RERG: variants seen among roughly 807,000 people sequenced by gnomAD.
RERG encodes the protein RAS like estrogen regulated growth inhibitor, also known as ras-related and estrogen-regulated growth inhibitor.
A neutral mutation model predicts 23.2 loss-of-function variants in RERG; 25 were observed. That is an observed-to-expected ratio of 1.08 (90% CI 0.79 to 1.50). The LOEUF (loss-of-function observed/expected upper bound fraction) is 1.50. Ranked by LOEUF, RERG falls within the 40% of genes most tolerant of loss-of-function variation. The pLI, the probability that RERG is intolerant of heterozygous loss-of-function variation, is 0.00. For missense variants in RERG, 253 were observed against 250.1 expected, an observed-to-expected ratio of 1.01 and a Z score of -0.08; for synonymous variants, 81 against 89.1, an observed-to-expected ratio of 0.91 and a Z score of 0.51.
At chr12:15,215,363 C>T (rs769358697) in intron 2 of RERG, among the ~76,000 whole-genome samples, 4 of 151,976 alleles carry the variant, frequency 2.6e-5, no homozygotes, top group Admixed American at 6.6e-5. Context: ...AGTGCGCAGA[C>T]GAAGAGCAAA....
chr12:15,213,800 C>CT (rs1260521778), intron 2 of RERG, among the ~76,000 whole-genome samples: 1 of 152,110 alleles, frequency 6.6e-6, no homozygotes, highest in African/African-American at 2.4e-5. Flanking sequence ...ATCACCTGGG[C>CT]TTAGGAAGCC....
chr12:15,189,645 A>G (rs1275799786), intron 2 of RERG, among the ~76,000 whole-genome samples: 3 of 152,150 alleles, frequency 2.0e-5, no homozygotes, highest in Non-Finnish European at 4.4e-5. Context: ...GTTCATTGCT[A>G]TATTCCCATA....
intron 2 of RERG, among the ~76,000 whole-genome samples, chr12:15,143,539 G>A (rs566632729): frequency 9.8e-4 from 149 of 152,116 alleles, no homozygotes; most frequent in Non-Finnish European, 5.3e-4. Flanking sequence ...TATGTGCATG[G>A]CAATGAGCTG....
intron 1 of RERG, among the ~76,000 whole-genome samples, chr12:15,218,414 G>A (rs945296850): frequency 6.6e-6 from 1 of 151,424 alleles, no homozygotes; most frequent in South Asian, 2.1e-4. Flanking sequence ...TGGTGGTGGT[G>A]GGGGCTGGAG....
chr12:15,117,343 C>CT (rs1259609767), intron 3 of RERG, among the ~76,000 whole-genome samples: 1 of 152,152 alleles, frequency 6.6e-6, no homozygotes, highest in Non-Finnish European at 1.5e-5. Flanking sequence ...AAATGACAAT[C>CT]TCTAAGCTCC....
At chr12:15,161,348 A>G (rs1387110399) in intron 2 of RERG, among the ~76,000 whole-genome samples, 1 of 152,154 alleles carries the variant, frequency 6.6e-6, no homozygotes, top group Non-Finnish European at 1.5e-5. Context: ...TCAGTCAACA[A>G]GTGTATTCTT....
chr12:15,159,156 G>A (rs776996908), intron 2 of RERG, among the ~76,000 whole-genome samples: 1 of 152,136 alleles, frequency 6.6e-6, no homozygotes, highest in Non-Finnish European at 1.5e-5. Flanking sequence ...TACACTTACT[G>A]TTTATATCAA....
chr12:15,109,958 T>C (rs143472589), intron 4 of RERG, among the ~76,000 whole-genome samples: 2 of 152,328 alleles, frequency 1.3e-5, no homozygotes, highest in East Asian at 3.8e-4. Context: ...TTGGTTTATT[T>C]ATTATTTTTT....
chr12:15,158,379 T>C (rs1429677809), intron 2 of RERG, among the ~76,000 whole-genome samples: 1 of 152,134 alleles, frequency 6.6e-6, no homozygotes, highest in Non-Finnish European at 1.5e-5. Context: ...CCTCCTGGGC[T>C]CATGTGATCT....
intron 2 of RERG, among the ~76,000 whole-genome samples, chr12:15,156,931 G>A (rs1864530876): frequency 6.6e-6 from 1 of 152,074 alleles, no homozygotes; most frequent in African/African-American, 2.4e-5. Context: ...GATATTGAGG[G>A]GATTAAACGA....
rs1444715836 is a variant in RERG, at chr12:15,108,703, G to GT, written c.*406dup. 1 of 156,360 alleles carries GT rather than the reference G, an allele frequency of 6.4e-6. No individual in the cohort carries two copies. The highest frequency in any genetic ancestry group is 6.5e-5 in the Admixed American group (1 of 15,384). The allele number at this position is 156,360 out of a possible 1,614,324, so 9.7% of individuals were successfully genotyped here. ...CCAATAGCTCAGCTTCTTCTCCTGT[G>GT]TTTTTACTGTATTTTCTGCTATCTT... On this transcript the variant is annotated 3_prime_UTR_variant, in exon 5 of 5. Transcript: ENST00000256953.
At chr12:15,164,217 G>T (rs1043231863) in intron 2 of RERG, among the ~76,000 whole-genome samples, 12 of 152,206 alleles carry the variant, frequency 7.9e-5, no homozygotes, top group Non-Finnish European at 1.5e-4. Flanking sequence ...ATTACCATTT[G>T]TGGGGCCTAG....
intron 2 of RERG, among the ~76,000 whole-genome samples, chr12:15,162,383 G>C (rs151133104): frequency 1.2e-3 from 189 of 152,280 alleles, no homozygotes; most frequent in African/African-American, 4.4e-3. Flanking sequence ...AAGAGGACTG[G>C]GGAGAGCTTG....
At chr12:15,158,177 T>C (rs1441593946) in intron 2 of RERG, among the ~76,000 whole-genome samples, 1 of 152,222 alleles carries the variant, frequency 6.6e-6, no homozygotes, top group Non-Finnish European at 1.5e-5. Context: ...CCCTTTCTAG[T>C]TACTTTCCTC....
intron 2 of RERG, among the ~76,000 whole-genome samples, chr12:15,166,099 T>C (rs1429433260): frequency 6.6e-6 from 1 of 152,222 alleles, no homozygotes; most frequent in African/African-American, 2.4e-5. Flanking sequence ...AGAACCCTCA[T>C]TTCTAATTTG....
intron 1 of RERG, among the ~76,000 whole-genome samples, chr12:15,219,250 G>C (rs566553786): frequency 1.3e-4 from 20 of 152,268 alleles, no homozygotes; most frequent in African/African-American, 4.6e-4. Flanking sequence ...CTTCTTGAGA[G>C]AGAAATTAAA....
intron 2 of RERG, among the ~76,000 whole-genome samples, chr12:15,168,785 T>C (rs1183211516): frequency 1.3e-5 from 2 of 152,192 alleles, no homozygotes; most frequent in African/African-American, 2.4e-5. Context: ...TTCAAGCACA[T>C]GATGTTTCTT....
At chr12:15,209,937 A>G (rs1208134125) in intron 2 of RERG, among the ~76,000 whole-genome samples, 1 of 152,186 alleles carries the variant, frequency 6.6e-6, no homozygotes, top group Non-Finnish European at 1.5e-5. Context: ...ATATGTATGG[A>G]TAAGCTTTAC....
intron 3 of RERG, among the ~76,000 whole-genome samples, 195 bp downstream of exon 3, chr12:15,120,868 T>C (rs1863818466): frequency 6.6e-6 from 1 of 152,186 alleles, no homozygotes; most frequent in Non-Finnish European, 1.5e-5. Context: ...ATCTATGCAT[T>C]AAAATCCTGC....
Sources: gnomAD v4.1 joint callset for allele counts (sites outside exome capture counted in the v4.1 genomes callset) on GRCh38, gnomAD v4.1.1 for gene constraint, MANE v1.5 for transcripts, NCBI Gene and HGNC (gene_info 2026-07-23, HGNC 2026-07-21) for gene names.